SPIDR: variants seen among roughly 807,000 people sequenced by gnomAD.
SPIDR encodes DNA repair-scaffolding protein.
In SPIDR, 93 loss-of-function variants were observed where a neutral mutation model predicts 104.6. The observed-to-expected ratio is 0.89, with a 90% CI of 0.75 to 1.06. SPIDR has a LOEUF of 1.06. Ranked by LOEUF, SPIDR falls within the 50% of genes least tolerant of loss-of-function variation. The pLI, the probability that SPIDR is intolerant of heterozygous loss-of-function variation, is 0.00. For missense variants in SPIDR, 1,154 were observed against 1,111.2 expected (o/e 1.04, Z -0.55); for synonymous variants, 431 against 416.9 (o/e 1.03, Z -0.41).
At chr8:47,685,764 G>A (rs1287845821) in intron 11 of SPIDR, among the ~76,000 whole-genome samples, 2 of 151,962 alleles carry the variant, frequency 1.3e-5, no homozygotes, top group East Asian at 1.9e-4. Context: ...CATGTTGCCA[G>A]TATGGTCTCA....
At chr8:47,282,970 C>T (rs2038104741) in intron 2 of SPIDR, among the ~76,000 whole-genome samples, 1 of 152,086 alleles carries the variant, frequency 6.6e-6, no homozygotes, top group African/African-American at 2.4e-5. Context: ...ATTCTCCTGC[C>T]TCAGCCTCCC....
At chr8:47,351,921 T>G (rs2053571173) in intron 5 of SPIDR, among the ~76,000 whole-genome samples, 1 of 152,178 alleles carries the variant, frequency 6.6e-6, no homozygotes, top group African/African-American at 2.4e-5. Flanking sequence ...TACTGAGGGA[T>G]AACTGTATAT....
intron 16 of SPIDR, among the ~76,000 whole-genome samples, chr8:47,724,987 G>C (rs2083999740): frequency 6.6e-6 from 1 of 152,206 alleles, no homozygotes; most frequent in South Asian, 2.1e-4. Flanking sequence ...TGTAGGAAGG[G>C]ATGCAGCAGG....
At chr8:47,548,291 G>GC (rs1319506913) in intron 8 of SPIDR, among the ~76,000 whole-genome samples, 1 of 152,198 alleles carries the variant, frequency 6.6e-6, no homozygotes, top group Non-Finnish European at 1.5e-5. Context: ...GATTAAGTCT[G>GC]CTATGCACAT....
At chr8:47,592,664 G>A (rs1588154115) in intron 8 of SPIDR, 9 of 877,440 alleles carry the variant, frequency 1.0e-5, no homozygotes, top group Non-Finnish European at 1.6e-5. Context: ...CTTGCCTCAC[G>A]CACGAGTAGA....
intron 5 of SPIDR, among the ~76,000 whole-genome samples, chr8:47,384,339 A>G (rs1204572597): frequency 1.3e-5 from 2 of 152,150 alleles, no homozygotes; most frequent in African/African-American, 4.8e-5. Flanking sequence ...CTGGTTTTCT[A>G]TTTACTTTGA....
intron 5 of SPIDR, among the ~76,000 whole-genome samples, chr8:47,343,561 G>A (rs1255615534): frequency 2.0e-5 from 3 of 152,210 alleles, no homozygotes; most frequent in Non-Finnish European, 2.9e-5. Context: ...GTCTCTCAAA[G>A]CTGAGGAAAG....
chr8:47,704,585 G>A (rs147502136), intron 14 of SPIDR, among the ~76,000 whole-genome samples: 56 of 152,252 alleles, frequency 3.7e-4, no homozygotes, highest in East Asian at 1.9e-3. Flanking sequence ...GTACTTCACC[G>A]CGTTGTCTCA....
At chr8:47,346,173 A>AG (rs1181268089) in intron 5 of SPIDR, among the ~76,000 whole-genome samples, 45 of 152,294 alleles carry the variant, frequency 3.0e-4, no homozygotes, top group Middle Eastern at 6.8e-3. Flanking sequence ...TTTAGCATGA[A>AG]GTACTGTTGA....
At chr8:47,419,058 G>A (rs1777917918) in intron 7 of SPIDR, 1 of 152,184 alleles carries the variant, frequency 6.6e-6, no homozygotes, top group Non-Finnish European at 1.5e-5. Flanking sequence ...ATGTTCCTCA[G>A]GGATATTGGT....
chr8:47,665,750 G>A lies in SPIDR; in HGVS notation c.1545-8051G>A, dbSNP rs1193300303. Among the ~76,000 whole-genome samples the A allele has an allele frequency of 2.6e-5, 4 of 152,256 alleles. No homozygotes were observed. The East Asian group carries it at 7.7e-4, about 29-fold the overall frequency. On this transcript the variant is annotated intron_variant, in intron 10 of 19. Transcript: ENST00000297423. ...CAGGTGACCACTCAGGGATTCCCTG[G>A]CATTCTTGGGTGTAAAATATCATAT...
chr8:47,380,493 C>T (rs1261867415), intron 5 of SPIDR, among the ~76,000 whole-genome samples: 1 of 152,106 alleles, frequency 6.6e-6, no homozygotes, highest in Non-Finnish European at 1.5e-5. Flanking sequence ...CCACCCTCCA[C>T]TCCTGCTTGG....
At chr8:47,361,457 C>G (rs782123865) in intron 5 of SPIDR, among the ~76,000 whole-genome samples, 5 of 152,210 alleles carry the variant, frequency 3.3e-5, no homozygotes, top group Non-Finnish European at 7.3e-5. Flanking sequence ...AGCTAATGAG[C>G]TTAGGTTGGA....
At chr8:47,563,956 T>C (rs1385949235) in intron 8 of SPIDR, among the ~76,000 whole-genome samples, 1 of 152,216 alleles carries the variant, frequency 6.6e-6, no homozygotes, top group Non-Finnish European at 1.5e-5. Flanking sequence ...TAAATGTCTT[T>C]TGATGTAGTA....
rs1326028640 is a variant in SPIDR, at chr8:47,685,501, A to ATTTTTTTTTTTTTTTT, written c.1685+11563_1685+11564insTTTTTTTTTTTTTTTT. Among the ~76,000 whole-genome samples the ATTTTTTTTTTTTTTTT allele has an allele frequency of 3.1e-4, 34 of 110,256 alleles. 1 individual carries two copies. Among genetic ancestry groups the ATTTTTTTTTTTTTTTT allele is most frequent in the Non-Finnish European group, 4.9e-4 (22 of 45,006 alleles). The allele number at this position is 110,256 out of a possible 152,430, so 72.3% of individuals were successfully genotyped here. On this transcript the variant is annotated intron_variant, in intron 11 of 19. Transcript: ENST00000297423. Reference sequence around the variant, plus strand: ...GTTTTATTTATTTATTTATTTATTTATTTATTTATTTATTTATTTTTTTGA... The same window carrying ATTTTTTTTTTTTTTTT: ...GTTTTATTTATTTATTTATTTATTTATTTTTTTTTTTTTTTTTTTATTTATTTATTTATTTTTTTGA...
At chr8:47,590,282 T>C (rs1165062182) in intron 8 of SPIDR, among the ~76,000 whole-genome samples, 2 of 152,204 alleles carry the variant, frequency 1.3e-5, no homozygotes, top group Non-Finnish European at 2.9e-5. Flanking sequence ...GAGACTTTTT[T>C]CTTTTTTAAT....
intron 5 of SPIDR, chr8:47,360,842 G>A: frequency 1.0e-6 from 1 of 985,460 alleles, no homozygotes. Context: ...ATCTGGTGGT[G>A]TTTTCAGCCT....
intron 5 of SPIDR, among the ~76,000 whole-genome samples, chr8:47,338,382 G>A (rs1372621750): frequency 6.6e-6 from 1 of 152,206 alleles, no homozygotes; most frequent in Non-Finnish European, 1.5e-5. Flanking sequence ...GTCATTGGAA[G>A]TTTGTATTCG....
intron 5 of SPIDR, chr8:47,330,947 G>A (rs781843331): frequency 3.0e-6 from 1 of 336,418 alleles, no homozygotes; most frequent in Non-Finnish European, 6.1e-6. Flanking sequence ...TTCCAAAGTG[G>A]CTGTAACATT....
Sources: allele counts gnomAD v4.1 joint callset (sites outside exome capture counted in the v4.1 genomes callset), GRCh38; gene constraint gnomAD v4.1.1; transcripts MANE v1.5; gene names NCBI Gene and HGNC (gene_info 2026-07-23, HGNC 2026-07-21).